The following PRKAR1A variants were observed in gnomAD, a reference collection of about 807,000 sequenced individuals.
PRKAR1A encodes the protein cAMP-dependent protein kinase type I-alpha regulatory subunit.
PRKAR1A carries 3 observed loss-of-function variants against 52.0 expected under a neutral mutation model. That is an observed-to-expected ratio of 0.06 (90% CI 0.03 to 0.15). PRKAR1A has a LOEUF of 0.15. Among genes scored for constraint, PRKAR1A ranks in the 10% least tolerant of loss-of-function variants. PRKAR1A has a pLI of 1.00. For synonymous variants in PRKAR1A, 188 were observed against 168.4 expected, an observed-to-expected ratio of 1.12 and a Z score of -0.90; for missense variants, 240 against 477.4, an observed-to-expected ratio of 0.50 and a Z score of 4.63.
chr17:68,429,266 C>T, the PRKAR1A span, among the ~76,000 whole-genome samples: 2 of 152,156 alleles, frequency 1.3e-5, no homozygotes. Flanking sequence ...TGCCCTTAAC[C>T]AAGACAGAAA....
chr17:68,440,356 G>T, the PRKAR1A span, among the ~76,000 whole-genome samples: 24 of 152,182 alleles, frequency 1.6e-4, no homozygotes, highest in South Asian at 4.1e-4. Context: ...CCTTAGCTTG[G>T]CTATTGCCAT....
the PRKAR1A span, among the ~76,000 whole-genome samples, chr17:68,495,747 A>G: frequency 6.6e-6 from 1 of 151,652 alleles, no homozygotes; most frequent in Admixed American, 6.6e-5. Context: ...GTGCCTTAAA[A>G]CCATACAAAT....
intron 2 of PRKAR1A, among the ~76,000 whole-genome samples, chr17:68,516,942 A>G (rs1223382308): frequency 6.6e-6 from 1 of 152,204 alleles, no homozygotes; most frequent in Non-Finnish European, 1.5e-5. Context: ...TTCTTTGGAC[A>G]TCAATAGAAA....
At position 68,531,525 on chromosome 17, in the gene PRKAR1A, G is replaced by A; in HGVS notation, c.*1076G>A. 1 of 1,066,368 alleles carries A rather than the reference G, an allele frequency of 9.4e-7. No homozygotes were observed. Among genetic ancestry groups the A allele is most frequent in the Non-Finnish European group, 1.1e-6 (1 of 879,626 alleles). 66.1% of individuals were successfully genotyped at this position (1,066,368 alleles called of 1,614,324 possible). A position where few individuals can be genotyped will look rare whatever the true frequency, so the allele number is the denominator to read the frequency against. On this transcript the variant is annotated 3_prime_UTR_variant, in exon 11 of 11. Transcript: ENST00000589228. The stretch of plus-strand genomic sequence containing the variant: ...TTCCCCGTGACATTCACTGGGGCAT[G>A]AGATTTTGGAAGAAGTTTTTTACTT...
the PRKAR1A span, among the ~76,000 whole-genome samples, chr17:68,433,955 G>C: frequency 6.6e-6 from 1 of 151,760 alleles, no homozygotes; most frequent in Non-Finnish European, 1.5e-5. Context: ...GCTAATTTTT[G>C]TATTTTTAGT....
chr17:68,493,890 C>T, the PRKAR1A span, among the ~76,000 whole-genome samples: 1,304 of 152,246 alleles, frequency 8.6e-3, 18 homozygotes, highest in African/African-American at 0.03. Flanking sequence ...CGGCACCTGG[C>T]CCAACACGCA....
In PRKAR1A at chr17:68,515,434, C is replaced by T. The variant is rs1292133703; in HGVS notation, c.35C>T (p.Ala12Val). 6.2e-7 allele frequency: 1 copy of T among 1,613,522 alleles called. No homozygotes were observed. The change falls in exon 2 of 11, where the codon GCA becomes GTA. Residue 12 changes from alanine (A) to valine (V), a missense_variant. Physicochemically the swap from Ala to Val is moderately conservative, Grantham distance 64. Transcript: ENST00000589228. ...ESGSTAASEE[A>V]RSLRECELYV... ...GGCAGTACCGCCGCCAGTGAGGAGG[C>T]ACGCAGCCTTCGAGAATGTGAGCTC...
the PRKAR1A span, among the ~76,000 whole-genome samples, chr17:68,476,319 T>C: frequency 6.6e-6 from 1 of 152,208 alleles, no homozygotes; most frequent in Non-Finnish European, 1.5e-5. Flanking sequence ...CTTTACCAGG[T>C]ATTTGAAGGC....
chr17:68,427,059 G>A, the PRKAR1A span: 1 of 1,236,780 alleles, frequency 8.1e-7, no homozygotes, highest in East Asian at 2.3e-5. Context: ...AAGGGGGAAG[G>A]GGAGGGAGCG....
At chr17:68,485,479 G>T in the PRKAR1A span, among the ~76,000 whole-genome samples, 2 of 152,130 alleles carry the variant, frequency 1.3e-5, no homozygotes, top group Admixed American at 1.3e-4. Flanking sequence ...GTGACCACTT[G>T]TTATTTTGAC....
chr17:68,543,244 CTG>C (rs2086389879), intron 11 of PRKAR1A, among the ~76,000 whole-genome samples: 1 of 152,056 alleles, frequency 6.6e-6, no homozygotes, highest in South Asian at 2.1e-4. Flanking sequence ...GTAGCAATGA[CTG>C]AGCAAATAGA....
intron 1 of PRKAR1A, 24 bp from the exon 2 acceptor site, chr17:68,515,370 C>G: frequency 6.2e-7 from 1 of 1,611,972 alleles, no homozygotes; most frequent in East Asian, 2.2e-5. Flanking sequence ...TTTATACAAG[C>G]ATGTGTGTGT....
intron 11 of PRKAR1A, chr17:68,542,895 G>T: frequency 9.7e-7 from 1 of 1,033,388 alleles, no homozygotes; most frequent in Non-Finnish European, 1.5e-6. Flanking sequence ...TGCACATTAG[G>T]AATTGGCTGG....
chr17:68,446,509 C>T, the PRKAR1A span, among the ~76,000 whole-genome samples: 2 of 152,088 alleles, frequency 1.3e-5, no homozygotes, highest in Non-Finnish European at 2.9e-5. Flanking sequence ...AAGGCTCTGT[C>T]GTAGGTCTGA....
the PRKAR1A span, among the ~76,000 whole-genome samples, chr17:68,446,104 A>G: frequency 6.6e-6 from 1 of 152,182 alleles, no homozygotes; most frequent in Non-Finnish European, 1.5e-5. Context: ...GCTATTCCCC[A>G]AGGAAGACTA....
At chr17:68,486,495 TTCCTTCC>T in the PRKAR1A span, among the ~76,000 whole-genome samples, 1,323 of 47,140 alleles carry the variant, frequency 0.028, 11 homozygotes, top group East Asian at 0.064. Context: ...CCTTCCTTCC[TTCCTTCC>T]TTCCTTCTTT....
At chr17:68,428,933 G>A in the PRKAR1A span, 1 of 1,612,820 alleles carries the variant, frequency 6.2e-7, no homozygotes, top group Non-Finnish European at 8.5e-7. Flanking sequence ...GCAACTTCTG[G>A]ATCCTAAGGG....
chr17:68,513,950 C>A (rs2085350266), intron 1 of PRKAR1A, among the ~76,000 whole-genome samples: 1 of 152,078 alleles, frequency 6.6e-6, no homozygotes, highest in Admixed American at 6.5e-5. Flanking sequence ...TTCTTGGTGG[C>A]CTTTAAGTAT....
intron 2 of PRKAR1A, among the ~76,000 whole-genome samples, chr17:68,516,392 G>A (rs2085434387): frequency 6.6e-6 from 1 of 152,076 alleles, no homozygotes. Context: ...AAATCAGTGA[G>A]AGAAACTTAC....
Sources: allele counts gnomAD v4.1 joint callset (sites outside exome capture counted in the v4.1 genomes callset), GRCh38; gene constraint gnomAD v4.1.1; transcripts MANE v1.5; gene names NCBI Gene and HGNC (gene_info 2026-07-23, HGNC 2026-07-21).